Variants in PROM1 observed in about 807,000 individuals in gnomAD.
PROM1 encodes the protein prominin 1, also known as prominin-1.
A neutral mutation model predicts 116.9 loss-of-function variants in PROM1; 105 were observed. The ratio of observed to expected loss-of-function variants is 0.90; its 90% CI spans 0.77 to 1.06. The LOEUF (loss-of-function observed/expected upper bound fraction) is 1.06, where lower values mean the gene tolerates loss of function less well. Among genes scored for constraint, PROM1 ranks in the 50% least tolerant of loss-of-function variants. The pLI is 0.00. For synonymous variants in PROM1, 393 were observed against 387.0 expected (o/e 1.02, Z -0.18); for missense variants, 1,122 against 1,045.2 (o/e 1.07, Z -1.01).
At position 16,012,066 on chromosome 4, in the gene PROM1, G is replaced by A. The variant is rs544948784; in HGVS notation, c.1141+1209C>T. ...GGCTGGAGTGCAGTGGCACGATCTC[G>A]GCTCACTGCAACCTCCTCCTCCTGG... is the stretch of plus-strand genomic sequence containing the variant. On this transcript the variant is annotated intron_variant, in intron 11 of 27. Transcript: ENST00000447510. 2.6e-5 allele frequency among the ~76,000 whole-genome samples: 4 copies of A among 151,696 alleles called. No homozygotes were observed. The East Asian group carries it at 5.9e-4, about 22-fold the overall frequency.
intron 5 of PROM1, among the ~76,000 whole-genome samples, chr4:16,026,851 T>A (rs190234377): frequency 1.6e-4 from 24 of 152,324 alleles, no homozygotes; most frequent in Non-Finnish European, 2.6e-4. Context: ...TACTGAATAC[T>A]AGACTAGGGG....
At chr4:16,075,635 T>C (rs1743787532) in intron 2 of PROM1, 52 bp downstream of exon 2, 1 of 1,497,340 alleles carries the variant, frequency 6.7e-7, no homozygotes. Context: ...AAAAACAATA[T>C]TGTGGGTGCG....
chr4:15,998,994 T>C (rs1223017842), intron 14 of PROM1, among the ~76,000 whole-genome samples: 4 of 152,108 alleles, frequency 2.6e-5, no homozygotes, highest in African/African-American at 9.7e-5. Context: ...CATCCCAAAG[T>C]GCTGGGATTA....
chr4:16,046,723 A>G (rs1261587680), intron 2 of PROM1, among the ~76,000 whole-genome samples: 1 of 152,204 alleles, frequency 6.6e-6, no homozygotes. Flanking sequence ...CTTCAGCTCC[A>G]AATCACAAGC....
chr4:15,985,295 T>A (rs1342199729), intron 22 of PROM1, among the ~76,000 whole-genome samples: 1 of 152,178 alleles, frequency 6.6e-6, no homozygotes, highest in Non-Finnish European at 1.5e-5. Context: ...GATTTTGGTA[T>A]CTGCAGGGGA....
At chr4:16,055,566 A>C (rs927975018) in intron 2 of PROM1, 4 of 360,256 alleles carry the variant, frequency 1.1e-5, no homozygotes, top group Non-Finnish European at 2.2e-5. Context: ...AGCCTAGGGA[A>C]AGGGTTTTCG....
intron 8 of PROM1, among the ~76,000 whole-genome samples, chr4:16,020,250 T>A (rs1036892624): frequency 1.3e-5 from 2 of 152,226 alleles, no homozygotes; most frequent in South Asian, 4.1e-4. Flanking sequence ...TTTACCTGAA[T>A]AGAAAACCTT....
At chr4:16,000,411 A>T in intron 14 of PROM1, 85 bp downstream of exon 14, 1 of 1,206,808 alleles carries the variant, frequency 8.3e-7, no homozygotes, top group South Asian at 2.3e-5. Flanking sequence ...ATAAGTTTGC[A>T]CTGCTCTTAA....
Position 16,025,690 on chromosome 4 carries a change from C to A in PROM1, c.510-378G>T, listed in dbSNP as rs745469983. Among the ~76,000 whole-genome samples, 45 of 149,906 alleles carry A rather than the reference C, an allele frequency of 3.0e-4. 1 individual carries two copies. Among genetic ancestry groups the A allele is most frequent in the Admixed American group, 4.0e-4 (6 of 14,966 alleles). ...GTGTGTACACACCCTCCTGTGTGAA[C>A]ATATGCATGTGTGTGAACACACACA... is the stretch of plus-strand genomic sequence containing the variant. On this transcript the variant is annotated intron_variant, in intron 5 of 27. Coordinates refer to ENST00000447510, the MANE Select transcript of PROM1 (RefSeq NM_006017.3).
chr4:16,005,339 GAC>G (rs1178082453), intron 13 of PROM1, among the ~76,000 whole-genome samples: 8 of 152,148 alleles, frequency 5.3e-5, no homozygotes, highest in Non-Finnish European at 5.9e-5. Context: ...AGCCCTGGTA[GAC>G]CTCAGGTCAT....
Position 15,969,285 on chromosome 4 carries a change from G to C in PROM1, c.*108C>G, listed in dbSNP as rs1013498094. 1.3e-5 allele frequency: 2 copies of C among 152,172 alleles called. No individual in the cohort carries two copies. The highest frequency in any genetic ancestry group is 4.8e-5 in the African/African-American group (2 of 41,424). The allele number at this position is 152,172 out of a possible 1,614,324, so 9.4% of individuals were successfully genotyped here. On this transcript the variant is annotated 3_prime_UTR_variant, in exon 28 of 28. Transcript: ENST00000447510. ...CGCCTGAGTCACTACGTTGCCACTG[G>C]CGTTGCTCCTGGATTTGGAAAGTCC...
chr4:16,056,768 C>A (rs573673290), intron 2 of PROM1, among the ~76,000 whole-genome samples: 2 of 152,200 alleles, frequency 1.3e-5, no homozygotes, highest in African/African-American at 4.8e-5. Flanking sequence ...TTGGCATGTT[C>A]CAGGGAGTCG....
intron 24 of PROM1, 123 bp from the exon 25 acceptor site, chr4:15,980,027 A>T: frequency 4.6e-6 from 3 of 655,498 alleles, no homozygotes; most frequent in Non-Finnish European, 7.8e-6. Flanking sequence ...GGAAAGACCC[A>T]TGTTGAAAGA....
In PROM1 at chr4:16,076,007, G is replaced by A. The variant is rs1743883876; in HGVS notation, c.-101C>T. The A allele has an allele frequency of 1.4e-6, 2 of 1,455,652 alleles. No homozygotes were observed. Among genetic ancestry groups the A allele is most frequent in the Non-Finnish European group, 1.8e-6 (2 of 1,103,002 alleles). 90.2% of individuals were successfully genotyped at this position (1,455,652 alleles called of 1,614,324 possible). Reference sequence around the variant, plus strand: ...GCAAGCGTGTTCCTGGGCAGAAGAGGAGCAGGAAGCACTGGATCTGCTGAA... The same window carrying A: ...GCAAGCGTGTTCCTGGGCAGAAGAGAAGCAGGAAGCACTGGATCTGCTGAA... On this transcript the variant is annotated 5_prime_UTR_variant, in exon 2 of 28. Coordinates refer to ENST00000447510, the MANE Select transcript of PROM1 (RefSeq NM_006017.3).
chr4:15,994,719 C>G (rs1247391645), intron 15 of PROM1, among the ~76,000 whole-genome samples: 2 of 152,142 alleles, frequency 1.3e-5, no homozygotes, highest in Non-Finnish European at 2.9e-5. Context: ...AAGGGTAGGC[C>G]TCATTGGATG....
intron 2 of PROM1, among the ~76,000 whole-genome samples, chr4:16,067,223 G>A (rs1310855411): frequency 6.6e-6 from 1 of 152,168 alleles, no homozygotes; most frequent in Non-Finnish European, 1.5e-5. Flanking sequence ...AGGGTCCCAG[G>A]TCTAACCTTG....
At chr4:16,037,908 T>A (rs1049871891) in intron 3 of PROM1, 3 of 152,214 alleles carry the variant, frequency 2.0e-5, no homozygotes, top group African/African-American at 7.2e-5. Flanking sequence ...CTTGATACTT[T>A]CTGAAAATAC....
At chr4:16,005,495 GGTGTGTGTGTGTGTGTGTGTGTGT>G (rs3221933) in intron 13 of PROM1, among the ~76,000 whole-genome samples, 28 of 145,904 alleles carry the variant, frequency 1.9e-4, no homozygotes, top group African/African-American at 4.1e-4. Flanking sequence ...TTGTTTGTTT[GGTGTGTGTGTGTGTGTGTGTGTGT>G]GTGTGTGTGT....
At chr4:16,020,227 A>G (rs1729503403) in intron 8 of PROM1, among the ~76,000 whole-genome samples, 1 of 152,240 alleles carries the variant, frequency 6.6e-6, no homozygotes, top group Non-Finnish European at 1.5e-5. Context: ...CCTTGGTCTC[A>G]AATTTCTATC....
Sources: allele counts gnomAD v4.1 joint callset (sites outside exome capture counted in the v4.1 genomes callset), GRCh38; gene constraint gnomAD v4.1.1; transcripts MANE v1.5; gene names NCBI Gene and HGNC (gene_info 2026-07-23, HGNC 2026-07-21).